FAM91A1: variants seen among roughly 807,000 people sequenced by gnomAD.
FAM91A1 encodes the protein family with sequence similarity 91 member A1.
Under a neutral mutation model 113.5 loss-of-function variants are expected in FAM91A1, and 41 were observed. The ratio of observed to expected loss-of-function variants is 0.36; its 90% CI spans 0.28 to 0.47. The LOEUF is 0.47. Among genes scored for constraint, FAM91A1 ranks in the 20% least tolerant of loss-of-function variants. FAM91A1 has a pLI of 1.00. For missense variants in FAM91A1, 696 were observed against 1,001.2 expected, an observed-to-expected ratio of 0.70 and a Z score of 4.11; for synonymous variants, 307 against 347.9, an observed-to-expected ratio of 0.88 and a Z score of 1.31.
At position 123,777,287 on chromosome 8, in the gene FAM91A1, G is replaced by C. The variant is rs1815008735; in HGVS notation, c.332G>C (p.Ser111Thr). The change falls in exon 4 of 24, where the codon AGT (serine) becomes ACT (threonine). Residue 111 changes from serine to threonine, a missense_variant. Physicochemically the swap from Ser to Thr is moderately conservative, Grantham distance 58. Transcript: ENST00000334705. ...AAGGATATTATGAACAGTGAGAAAA[G>C]TTATGATTCATTGCCCAATTTTACT... ...IMEDIMNSEKSYDSLPNFTAA... is the reference protein window; with the variant it reads ...IMEDIMNSEKTYDSLPNFTAA... 1 of 1,611,392 alleles carries C rather than the reference G, an allele frequency of 6.2e-7. No individual in the cohort carries two copies. The highest frequency in any genetic ancestry group is 8.5e-7 in the Non-Finnish European group (1 of 1,178,868).
At chr8:123,779,924 G>T in intron 6 of FAM91A1, 61 bp from the exon 7 acceptor site, 1 of 1,374,498 alleles carries the variant, frequency 7.3e-7, no homozygotes, top group Non-Finnish European at 1.0e-6. Flanking sequence ...ATAAATTTCA[G>T]GAGACTTGTG....
intron 15 of FAM91A1, among the ~76,000 whole-genome samples, chr8:123,796,863 A>T (rs951128094): frequency 6.6e-6 from 1 of 150,490 alleles, no homozygotes; most frequent in African/African-American, 2.4e-5. Context: ...GGAGATCGAG[A>T]CCATCCTGGC....
rs1816031166 is a variant in FAM91A1, at chr8:123,814,658, A to G, written c.*1954A>G. The stretch of plus-strand genomic sequence containing the variant: ...CCCCTCTGGTTTCTTGTGTTGAATG[A>G]GGCAAGGGTAATCATCTGATTCCGA... On this transcript the variant is annotated 3_prime_UTR_variant, in exon 24 of 24. Transcript: ENST00000334705. 6.5e-6 allele frequency: 1 copy of G among 152,738 alleles called. No homozygotes were observed. The highest frequency in any genetic ancestry group is 1.5e-5 in the Non-Finnish European group (1 of 68,120). 9.5% of individuals were successfully genotyped at this position (152,738 alleles called of 1,614,324 possible). A position where few individuals can be genotyped will look rare whatever the true frequency, so the allele number is the denominator to read the frequency against.
intron 1 of FAM91A1, 71 bp downstream of exon 1, chr8:123,768,845 C>A: frequency 1.3e-6 from 2 of 1,482,400 alleles, no homozygotes; most frequent in Non-Finnish European, 9.3e-7. Context: ...TTGCCTCGCT[C>A]GCGGGGCCCG....
At chr8:123,787,233 C>T in intron 12 of FAM91A1, 28 bp from the exon 13 acceptor site, 6 of 1,495,926 alleles carry the variant, frequency 4.0e-6, no homozygotes, top group Non-Finnish European at 4.6e-6. Flanking sequence ...TTTCCATTTA[C>T]TTGATTTTAA....
Position 123,774,250 on chromosome 8 carries a change from A to G in FAM91A1, c.157+86A>G, listed in dbSNP as rs554601907. 1.1e-4 allele frequency: 112 copies of G among 1,056,472 alleles called. No homozygotes were observed. The African/African-American group carries it at 1.5e-3, about 14-fold the overall frequency. 65.4% of individuals were successfully genotyped at this position (1,056,472 alleles called of 1,614,324 possible). On this transcript the variant is annotated intron_variant, in intron 2 of 23. Transcript: ENST00000334705. Reference sequence around the variant, plus strand: ...TCTTTCTTTTCAATACATATTTCATAGTACTGAGATTATTCCATGTACAGA... The same window carrying G: ...TCTTTCTTTTCAATACATATTTCATGGTACTGAGATTATTCCATGTACAGA...
At chr8:123,772,374 A>G (rs145808802) in intron 1 of FAM91A1, among the ~76,000 whole-genome samples, 88 of 152,336 alleles carry the variant, frequency 5.8e-4, no homozygotes, top group African/African-American at 1.8e-3. Context: ...TTTATTTAGC[A>G]GTAGAGACAG....
At chr8:123,805,210 A>G (rs1442635041) in intron 18 of FAM91A1, 57 bp from the exon 19 acceptor site, 1 of 1,309,312 alleles carries the variant, frequency 7.6e-7, no homozygotes, top group African/African-American at 1.5e-5. Flanking sequence ...ACTTTTGAAT[A>G]TCAGTGATTG....
intron 14 of FAM91A1, among the ~76,000 whole-genome samples, chr8:123,789,289 T>C (rs1443292255): frequency 6.6e-6 from 1 of 152,210 alleles, no homozygotes; most frequent in Non-Finnish European, 1.5e-5. Flanking sequence ...TGGAGTACTT[T>C]CCTAGATGGA....
chr8:123,787,558 A>T, intron 13 of FAM91A1, 106 bp from the exon 14 acceptor site: 1 of 1,085,406 alleles, frequency 9.2e-7, no homozygotes, highest in Non-Finnish European at 1.3e-6. Flanking sequence ...CTCACCCCCC[A>T]ATCCTTAAGT....
chr8:123,804,443 A>G (rs1815755425), intron 18 of FAM91A1, among the ~76,000 whole-genome samples: 1 of 148,146 alleles, frequency 6.8e-6, no homozygotes, highest in Non-Finnish European at 1.5e-5. Context: ...GTGAGCCAAA[A>G]TTGTGTCATT....
At chr8:123,788,149 G>C (rs929376107) in intron 14 of FAM91A1, 4 of 966,456 alleles carry the variant, frequency 4.1e-6, no homozygotes, top group Non-Finnish European at 4.9e-6. Flanking sequence ...CTTGAATCTG[G>C]AACAATATCC....
At position 123,809,032 on chromosome 8, in the gene FAM91A1, C is replaced by T. The variant is rs199740145; in HGVS notation, c.2261+16C>T. On this transcript the variant is annotated intron_variant, in intron 22 of 23. Coordinates refer to ENST00000334705, the MANE Select transcript of FAM91A1 (RefSeq NM_144963.4). ...GAAAAGAGAGGTGAGGGTTTATATT[C>T]GCTGTCATATTTTCATATCAATTTT... is the stretch of plus-strand genomic sequence containing the variant. 3.4e-5 allele frequency: 54 copies of T among 1,607,024 alleles called. No homozygotes were observed. Among genetic ancestry groups the T allele is most frequent in the South Asian group, 8.9e-5 (8 of 90,228 alleles).
Position 123,775,355 on chromosome 8 carries a change from C to T in FAM91A1, c.309+57C>T, listed in dbSNP as rs1477848868. 1.8e-5 allele frequency: 29 copies of T among 1,568,732 alleles called. No individual in the cohort carries two copies. In the East Asian group the frequency reaches 5.9e-4, roughly 32 times the overall value. ...ATGGGATGGGACTACATGTCTGGGA[C>T]TTTTTGCAGATGTTCACCAGCTCTT... On this transcript the variant is annotated intron_variant, in intron 3 of 23. Coordinates refer to ENST00000334705, the MANE Select transcript of FAM91A1 (RefSeq NM_144963.4).
At position 123,780,367 on chromosome 8, in the gene FAM91A1, G is replaced by A. The variant is rs1464619885; in HGVS notation, c.641-113G>A. The stretch of plus-strand genomic sequence containing the variant: ...TCTCTTCTATTTTACTTTTTCTTTC[G>A]TCACATAGCATTCATTTGTAAGAAT... On this transcript the variant is annotated intron_variant, in intron 7 of 23. Coordinates refer to ENST00000334705, the MANE Select transcript of FAM91A1 (RefSeq NM_144963.4). 1.3e-5 allele frequency: 11 copies of A among 839,178 alleles called. No individual in the cohort carries two copies. Among genetic ancestry groups the A allele is most frequent in the Middle Eastern group, 2.2e-4 (1 of 4,534 alleles). The allele number at this position is 839,178 out of a possible 1,614,324, so 52.0% of individuals were successfully genotyped here.
chr8:123,786,131 T>G, intron 11 of FAM91A1: 1 of 244,654 alleles, frequency 4.1e-6, no homozygotes, highest in South Asian at 5.5e-5. Context: ...GAAATTTTAT[T>G]TATTCAACCT....
chr8:123,772,746 A>T (rs1423361238), intron 1 of FAM91A1, among the ~76,000 whole-genome samples: 1 of 152,170 alleles, frequency 6.6e-6, no homozygotes, highest in Non-Finnish European at 1.5e-5. Context: ...GTTAACTACT[A>T]ATAGCCTATA....
intron 18 of FAM91A1, among the ~76,000 whole-genome samples, chr8:123,802,735 G>A (rs2130141665): frequency 6.6e-6 from 1 of 152,292 alleles, no homozygotes; most frequent in South Asian, 2.1e-4. Context: ...CATAGAATGG[G>A]CTAGACATGG....
rs2130131902 is a variant in FAM91A1 at position 123,799,495 on chromosome 8, T to C, written c.1561-25T>C. ...CTTATGTAACACTTTATTTTAACTTTATCTTAACTGTTTTATGATTGTAGC... is the reference window on the plus strand; with the variant it reads ...CTTATGTAACACTTTATTTTAACTTCATCTTAACTGTTTTATGATTGTAGC... On this transcript the variant is annotated intron_variant, in intron 16 of 23. Coordinates refer to ENST00000334705, the MANE Select transcript of FAM91A1 (RefSeq NM_144963.4). The C allele has an allele frequency of 1.9e-6, 3 of 1,599,528 alleles. No individual in the cohort carries two copies. In the East Asian group the frequency reaches 6.7e-5, roughly 36 times the overall value.
Sources: gnomAD v4.1 joint callset for allele counts (sites outside exome capture counted in the v4.1 genomes callset) on GRCh38, gnomAD v4.1.1 for gene constraint, MANE v1.5 for transcripts, NCBI Gene and HGNC (gene_info 2026-07-23, HGNC 2026-07-21) for gene names.